The following CDK8 variants were observed in gnomAD, a reference collection of about 807,000 sequenced individuals.
CDK8 encodes cyclin dependent kinase 8, also known as cyclin-dependent kinase 8.
In CDK8, 29 loss-of-function variants were observed where a neutral mutation model predicts 71.5. The observed-to-expected ratio is 0.41, with a 90% CI of 0.30 to 0.55. CDK8 has a LOEUF of 0.55. Ranked by LOEUF, CDK8 falls within the 20% of genes least tolerant of loss-of-function variation. The pLI is 0.37. For missense variants in CDK8, 288 were observed against 572.6 expected, an observed-to-expected ratio of 0.50 and a Z score of 5.07; for synonymous variants, 161 against 192.1, an observed-to-expected ratio of 0.84 and a Z score of 1.34.
At chr13:26,345,690 T>A (rs1281504007) in intron 2 of CDK8, among the ~76,000 whole-genome samples, 7 of 152,166 alleles carry the variant, frequency 4.6e-5, no homozygotes, top group African/African-American at 1.7e-4. Context: ...GCCGCTAATT[T>A]TTATATTTTT....
intron 1 of CDK8, among the ~76,000 whole-genome samples, chr13:26,310,432 A>C (rs1874229943): frequency 6.6e-6 from 1 of 152,116 alleles, no homozygotes; most frequent in Non-Finnish European, 1.5e-5. Context: ...AGTGCATTAC[A>C]TTTATTGTGG....
intron 3 of CDK8, among the ~76,000 whole-genome samples, chr13:26,350,529 T>C (rs1441553411): frequency 1.1e-4 from 16 of 152,146 alleles, no homozygotes; most frequent in Admixed American, 1.0e-3. Flanking sequence ...CAGCTGTTCA[T>C]GGGGCTGAAG....
chr13:26,348,294 G>C (rs1178062680), intron 2 of CDK8, among the ~76,000 whole-genome samples: 1 of 152,094 alleles, frequency 6.6e-6, no homozygotes, highest in Non-Finnish European at 1.5e-5. Flanking sequence ...GGATTATTGT[G>C]TAACGCAGGG....
chr13:26,304,861 G>T (rs1245936347), intron 1 of CDK8, among the ~76,000 whole-genome samples: 1 of 151,696 alleles, frequency 6.6e-6, no homozygotes, highest in Non-Finnish European at 1.5e-5. Flanking sequence ...AGAGATGAGG[G>T]TCTCACTATG....
intron 4 of CDK8, among the ~76,000 whole-genome samples, chr13:26,374,017 TA>T (rs1172320468): frequency 8.9e-5 from 4 of 45,138 alleles, no homozygotes; most frequent in Non-Finnish European, 1.6e-4. Flanking sequence ...CCTTCTCTAC[TA>T]AAAAAAAAAA....
intron 1 of CDK8, among the ~76,000 whole-genome samples, chr13:26,267,938 C>G (rs1216597860): frequency 1.1e-4 from 17 of 152,238 alleles, no homozygotes; most frequent in Admixed American, 9.8e-4. Context: ...TCCTGGCTTC[C>G]TTCAATGGTT....
At chr13:26,364,045 G>A (rs1874267889) in intron 4 of CDK8, among the ~76,000 whole-genome samples, 1 of 152,064 alleles carries the variant, frequency 6.6e-6, no homozygotes, top group Non-Finnish European at 1.5e-5. Context: ...TTTTCTTATT[G>A]TCTGCTCAAC....
intron 1 of CDK8, among the ~76,000 whole-genome samples, chr13:26,296,389 A>G (rs1873563346): frequency 1.3e-5 from 2 of 152,180 alleles, no homozygotes; most frequent in African/African-American, 4.8e-5. Context: ...AAGCTTTAGC[A>G]TGTAGAAATC....
At chr13:26,323,860 G>A (rs1051497401) in intron 1 of CDK8, among the ~76,000 whole-genome samples, 7 of 152,124 alleles carry the variant, frequency 4.6e-5, no homozygotes, top group Admixed American at 1.3e-4. Context: ...CCTCTGCAAA[G>A]ATGGTACTTT....
At position 26,404,317 on chromosome 13, in the gene CDK8, A is replaced by G. The variant is rs1489828345; in HGVS notation, c.*236A>G. On this transcript the variant is annotated 3_prime_UTR_variant, in exon 13 of 13. Transcript: ENST00000381527. ...GCACAGTTTGTGTTGTGGATTTGCT[A>G]CTTCCATAGTTTACTTGACATGGTT... 4.7e-6 allele frequency: 2 copies of G among 424,300 alleles called. No individual in the cohort carries two copies. The highest frequency in any genetic ancestry group is 3.5e-5 in the South Asian group (1 of 28,394). 26.3% of individuals were successfully genotyped at this position (424,300 alleles called of 1,614,324 possible).
chr13:26,322,737 GTCTTC>G (rs1375986271), intron 1 of CDK8, among the ~76,000 whole-genome samples: 13 of 152,118 alleles, frequency 8.5e-5, no homozygotes, highest in Non-Finnish European at 2.9e-5. Flanking sequence ...TTCTTTAGTA[GTCTTC>G]TTCCCTCCAG....
chr13:26,322,283 A>G (rs756295088), intron 1 of CDK8, among the ~76,000 whole-genome samples: 2 of 152,208 alleles, frequency 1.3e-5, no homozygotes, highest in African/African-American at 2.4e-5. Flanking sequence ...ATTCTCAAAT[A>G]GAAAAGGTTA....
chr13:26,330,724 G>A (rs1315570188), intron 1 of CDK8, among the ~76,000 whole-genome samples: 3 of 151,878 alleles, frequency 2.0e-5, no homozygotes, highest in Non-Finnish European at 4.4e-5. Flanking sequence ...TTTCCACCAT[G>A]TTGACCTCCA....
chr13:26,385,188 A>AT (rs745772708), intron 5 of CDK8, 23 bp from the exon 6 acceptor site: 3,585 of 1,422,184 alleles, frequency 2.5e-3, no homozygotes, highest in African/African-American at 8.2e-3. Flanking sequence ...ACTTAGCATG[A>AT]TTTTTTTTTT....
In CDK8 at chr13:26,339,756, A is replaced by ATAT. The variant is rs57119146; in HGVS notation, c.204+2114_204+2115insTAT. ...TATTTATATAATTACTTAAAAAAAA[A>ATAT]ATATATATATATATATAGTGTAGTA... On this transcript the variant is annotated intron_variant, in intron 2 of 12. Transcript: ENST00000381527. Among the ~76,000 whole-genome samples, 1,103 of 142,962 alleles carry ATAT rather than the reference A, an allele frequency of 7.7e-3. 14 individuals carry two copies. The highest frequency in any genetic ancestry group is 0.038 in the East Asian group (191 of 5,030). The allele number at this position is 142,962 out of a possible 152,430, so 93.8% of individuals were successfully genotyped here.
In CDK8 at chr13:26,401,383, C is replaced by T. The variant is rs1876248961; in HGVS notation, c.1110+36C>T. On this transcript the variant is annotated intron_variant, in intron 11 of 12. Coordinates refer to ENST00000381527, the MANE Select transcript of CDK8 (RefSeq NM_001260.3). This position sits in a 1 kb window ranked among gnomAD's most constrained non-coding sequence, Gnocchi z 4.5. ...AAGTACTGTTAGCAGCTTCTTGTTT[C>T]GTGAATGCCTCCATAACATTTTCCA... 4 of 1,609,880 alleles carry T rather than the reference C, an allele frequency of 2.5e-6. No individual in the cohort carries two copies. Among genetic ancestry groups the T allele is most frequent in the Admixed American group, 1.7e-5 (1 of 59,924 alleles).
Position 26,401,317 on chromosome 13 carries a change from G to A in CDK8, c.1080G>A (p.Thr360=), listed in dbSNP as rs140567276. 1.2e-4 allele frequency: 189 copies of A among 1,613,928 alleles called. No individual in the cohort carries two copies. The African/African-American group carries it at 1.7e-3, about 14-fold the overall frequency. The change falls in exon 11 of 13, where the codon ACG becomes ACA. Residue 360 remains threonine, a synonymous_variant. Coordinates refer to ENST00000381527, the MANE Select transcript of CDK8 (RefSeq NM_001260.3). This position sits in a 1 kb window ranked among gnomAD's most constrained non-coding sequence, Gnocchi z 4.5. ...QIPYPKREFL[T]EEEPDDKGDK... ...CTTACCCAAAACGAGAATTTTTAAC[G>A]GAAGAAGAACCTGATGACAAAGGAG...
intron 1 of CDK8, among the ~76,000 whole-genome samples, chr13:26,336,122 TACAC>T (rs111361937): frequency 0.06 from 8,861 of 148,658 alleles, 862 homozygotes; most frequent in African/African-American, 0.2. Context: ...TACACAAACA[TACAC>T]ACACACACAC....
chr13:26,403,145 G>C (rs925575631), intron 12 of CDK8, among the ~76,000 whole-genome samples: 1 of 152,160 alleles, frequency 6.6e-6, no homozygotes, highest in Non-Finnish European at 1.5e-5. Flanking sequence ...TTAGAATTGA[G>C]AATACCGTCC....
Sources: gnomAD v4.1 joint callset for allele counts (sites outside exome capture counted in the v4.1 genomes callset) on GRCh38, gnomAD v4.1.1 for gene constraint, Gnocchi (gnomAD v3.1) non-coding constraint, MANE v1.5 for transcripts, NCBI Gene and HGNC (gene_info 2026-07-23, HGNC 2026-07-21) for gene names.